The following MGST1 variants were observed in gnomAD, a reference collection of about 807,000 sequenced individuals.
The protein encoded by MGST1 is glutathione S-transferase 12.
A neutral mutation model predicts 8.9 loss-of-function variants in MGST1; 5 were observed. That is an observed-to-expected ratio of 0.56 (90% CI 0.29 to 1.19). The LOEUF (loss-of-function observed/expected upper bound fraction) is 1.19. MGST1 is among the 50% of genes most tolerant of loss of function. MGST1 has a pLI of 0.08. For missense variants in MGST1, 182 were observed against 187.4 expected, an observed-to-expected ratio of 0.97 and a Z score of 0.17; for synonymous variants, 54 against 67.8, an observed-to-expected ratio of 0.80 and a Z score of 1.00.
rs1591817535 is a variant in MGST1 at position 16,589,211 on chromosome 12, G to C, written n.483-317G>C. Among the ~76,000 whole-genome samples the C allele has an allele frequency of 6.6e-6, 1 of 152,190 alleles. No individual in the cohort carries two copies. The highest frequency in any genetic ancestry group is 1.9e-4 in the East Asian group (1 of 5,178). On this transcript the variant is annotated intron_variant and non_coding_transcript_variant, in intron 4 of 4. Transcript: ENST00000538857. This position sits in a 1 kb window ranked among gnomAD's most constrained non-coding sequence, Gnocchi z 4.2. Reference sequence around the variant, plus strand: ...GTAACTTTTTATTTTTTAATGAAGTGATATTCACAGAAGATTATAACAACA... The same window carrying C: ...GTAACTTTTTATTTTTTAATGAAGTCATATTCACAGAAGATTATAACAACA...
intron 4 of MGST1, among the ~76,000 whole-genome samples, chr12:16,518,209 T>C (rs751544971): frequency 3.9e-5 from 6 of 152,202 alleles, no homozygotes; most frequent in Non-Finnish European, 7.3e-5. Context: ...TTCAGTGACA[T>C]CACTCAAACC....
At chr12:16,379,196 T>C (rs1424794665), downstream of MGST1, among the ~76,000 whole-genome samples, 1 of 151,988 alleles carries the variant, frequency 6.6e-6, no homozygotes, top group African/African-American at 2.4e-5. Context: ...TGAATAGGAG[T>C]GGTGAGAGAA....
At chr12:16,494,394 T>C (rs1941457324) in intron 4 of MGST1, among the ~76,000 whole-genome samples, 1 of 152,152 alleles carries the variant, frequency 6.6e-6, no homozygotes, top group Non-Finnish European at 1.5e-5. Flanking sequence ...ATTATTGCCT[T>C]AATTACAAAA....
chr12:16,432,676 TCTGACA>T (rs1257227095), intron 1 of MGST1, among the ~76,000 whole-genome samples: 1 of 132,000 alleles, frequency 7.6e-6, no homozygotes, highest in Non-Finnish European at 1.6e-5. Context: ...CCTCTCTCTC[TCTGACA>T]CACACACACA....
At position 16,577,152 on chromosome 12, in the gene MGST1, T is replaced by C. The variant is rs577126232; in HGVS notation, n.483-12376T>C. 2.6e-3 allele frequency among the ~76,000 whole-genome samples: 402 copies of C among 152,306 alleles called. 3 individuals are homozygous for C. Among genetic ancestry groups the C allele is most frequent in the South Asian group, 0.011 (51 of 4,824 alleles). On this transcript the variant is annotated intron_variant and non_coding_transcript_variant, in intron 4 of 4. Transcript: ENST00000538857. The stretch of plus-strand genomic sequence containing the variant: ...TGTATCCCTCATATCTAGTGATATT[T>C]CTTTACCATCATTACCCCATTACTC...
At chr12:16,455,769 C>T (rs1415469437) in intron 4 of MGST1, among the ~76,000 whole-genome samples, 1 of 151,706 alleles carries the variant, frequency 6.6e-6, no homozygotes, top group Non-Finnish European at 1.5e-5. Flanking sequence ...GCCATGAAAC[C>T]CAAGAAAAAA....
intron 4 of MGST1, among the ~76,000 whole-genome samples, chr12:16,487,892 C>G (rs1308138958): frequency 6.6e-6 from 1 of 152,078 alleles, no homozygotes; most frequent in Admixed American, 6.6e-5. Flanking sequence ...ATATTATTTA[C>G]AGTTACAAAA....
At chr12:16,356,598 A>G (rs1939725617) in intron 2 of MGST1, among the ~76,000 whole-genome samples, 1 of 152,230 alleles carries the variant, frequency 6.6e-6, no homozygotes, top group Non-Finnish European at 1.5e-5. Context: ...ATCAATTATT[A>G]AATAGTGGCA....
Position 16,518,303 on chromosome 12 carries a change from A to G in MGST1, n.483-71225A>G, listed in dbSNP as rs11056975. 8.4e-3 allele frequency among the ~76,000 whole-genome samples: 1,279 copies of G among 152,112 alleles called. 48 individuals carry two copies. In the East Asian group the frequency reaches 0.14, roughly 16 times the overall value. ...TCCACTCATTCTTCTCTTCGCCTGG[A>G]AATTTCTTTTCCTGATATGTATGTG... On this transcript the variant is annotated intron_variant and non_coding_transcript_variant, in intron 4 of 4. Transcript: ENST00000538857.
At position 16,576,097 on chromosome 12, in the gene MGST1, C is replaced by T. The variant is rs1444424023; in HGVS notation, n.483-13431C>T. Among the ~76,000 whole-genome samples, 1 of 152,164 alleles carries T rather than the reference C, an allele frequency of 6.6e-6. No individual in the cohort carries two copies. The highest frequency in any genetic ancestry group is 1.5e-5 in the Non-Finnish European group (1 of 68,028). ...TCTAGCGCGCATCGCTTCTCCCTTG[C>T]ACTCATACTACAACCTCCCAGCTGA... On this transcript the variant is annotated intron_variant and non_coding_transcript_variant, in intron 4 of 4. Transcript: ENST00000538857. This position sits in a 1 kb window ranked among gnomAD's most constrained non-coding sequence, Gnocchi z 4.1.
intron 3 of MGST1, among the ~76,000 whole-genome samples, chr12:16,371,688 C>T (rs1251306868): frequency 1.3e-5 from 2 of 152,076 alleles, no homozygotes; most frequent in African/African-American, 4.8e-5. Flanking sequence ...AAAAAAGGTA[C>T]TTCATCATTA....
chr12:16,561,362 A>C (rs1942398704), intron 4 of MGST1, among the ~76,000 whole-genome samples: 1 of 152,196 alleles, frequency 6.6e-6, no homozygotes, highest in South Asian at 2.1e-4. Context: ...AAGAATTATT[A>C]CAAATAATAT....
Position 16,369,536 on chromosome 12 carries a change from TG to T in MGST1, c.222-6585del, listed in dbSNP as rs1940255224. ...CCATGTGTCTTATCCTGTACTACAG[TG>T]CTCAGCAAACTATGGACTCTGGGCC... On this transcript the variant is annotated intron_variant, in intron 3 of 3. Transcript: ENST00000535309. This position sits in a 1 kb window ranked among gnomAD's most constrained non-coding sequence, Gnocchi z 4.8. Among the ~76,000 whole-genome samples the T allele has an allele frequency of 6.6e-6, 1 of 152,164 alleles. No individual in the cohort carries two copies. The highest frequency in any genetic ancestry group is 2.4e-5 in the African/African-American group (1 of 41,444).
chr12:16,469,501 C>G (rs1196243005), intron 4 of MGST1, among the ~76,000 whole-genome samples: 1 of 152,052 alleles, frequency 6.6e-6, no homozygotes, highest in African/African-American at 2.4e-5. Context: ...AATGCTCTAT[C>G]CTATAGATGC....
At chr12:16,406,282 G>C (rs981360355) in intron 1 of MGST1, among the ~76,000 whole-genome samples, 4 of 152,062 alleles carry the variant, frequency 2.6e-5, no homozygotes, top group Admixed American at 6.6e-5. Context: ...AGCCAATTGA[G>C]AGCCAAATCA....
chr12:16,533,936 G>C (rs1012585312), intron 4 of MGST1, among the ~76,000 whole-genome samples: 1 of 152,132 alleles, frequency 6.6e-6, no homozygotes, highest in African/African-American at 2.4e-5. Context: ...AGCATAGGTA[G>C]GAACAGGAGG....
At chr12:16,395,788 T>TACACACACACACACACACAC in intron 1 of MGST1, among the ~76,000 whole-genome samples, 1 of 121,612 alleles carries the variant, frequency 8.2e-6, no homozygotes, top group East Asian at 3.0e-4. Context: ...ATCATATATA[T>TACACACACACACACACACAC]ATATATATAT....
chr12:16,557,288 A>G (rs1315627508), intron 4 of MGST1, among the ~76,000 whole-genome samples: 1 of 152,176 alleles, frequency 6.6e-6, no homozygotes. Flanking sequence ...AAGGAATACC[A>G]AAGGACCACC....
Position 16,395,780 on chromosome 12 carries a change from C to CATATATATATATATATATATAT in MGST1, n.778+12180_778+12201dup, listed in dbSNP as rs369986291. 6.4e-3 allele frequency among the ~76,000 whole-genome samples: 769 copies of CATATATATATATATATATATAT among 120,508 alleles called. 5 individuals are homozygous for CATATATATATATATATATATAT. Among genetic ancestry groups the CATATATATATATATATATATAT allele is most frequent in the East Asian group, 0.019 (66 of 3,426 alleles). The allele number at this position is 120,508 out of a possible 152,430, so 79.1% of individuals were successfully genotyped here. The stretch of plus-strand genomic sequence containing the variant: ...CTTTAATGGCTGAGTAGTATTCCAT[C>CATATATATATATATATATATAT]ATATATATATATATATATATATATA... On this transcript the variant is annotated intron_variant and non_coding_transcript_variant, in intron 1 of 1. Transcript: ENST00000359720.
Sources: allele counts gnomAD v4.1 joint callset (sites outside exome capture counted in the v4.1 genomes callset), GRCh38; gene constraint gnomAD v4.1.1; non-coding constraint Gnocchi (gnomAD v3.1); transcripts MANE v1.5; gene names NCBI Gene and HGNC (gene_info 2026-07-23, HGNC 2026-07-21).